Variants in FNBP1L observed in about 807,000 individuals in gnomAD.
FNBP1L encodes the protein formin-binding protein 1-like.
FNBP1L carries 36 observed loss-of-function variants against 91.2 expected under a neutral mutation model. That is an observed-to-expected ratio of 0.39 (90% CI 0.30 to 0.52). The LOEUF (loss-of-function observed/expected upper bound fraction) is 0.52. Among genes scored for constraint, FNBP1L ranks in the 20% least tolerant of loss-of-function variants. FNBP1L has a pLI of 0.66. For missense variants in FNBP1L, 571 were observed against 732.1 expected (o/e 0.78, Z 2.54); for synonymous variants, 242 against 237.0 (o/e 1.02, Z -0.19).
chr1:93,526,068 T>A (rs1671483770), intron 5 of FNBP1L, among the ~76,000 whole-genome samples: 1 of 151,922 alleles, frequency 6.6e-6, no homozygotes, highest in Non-Finnish European at 1.5e-5. Flanking sequence ...TATTAAAAAT[T>A]GAGGAAAAAA....
At chr1:93,473,639 A>T (rs1669385442) in intron 1 of FNBP1L, among the ~76,000 whole-genome samples, 1 of 152,214 alleles carries the variant, frequency 6.6e-6, no homozygotes, top group African/African-American at 2.4e-5. Flanking sequence ...ACTGGATAGG[A>T]TGTCTTAACT....
At chr1:93,517,517 T>A (rs1416112325) in intron 2 of FNBP1L, among the ~76,000 whole-genome samples, 3 of 152,150 alleles carry the variant, frequency 2.0e-5, no homozygotes, top group Admixed American at 2.0e-4. Flanking sequence ...TTTAAAAAAA[T>A]CCCTTCTCTT....
At chr1:93,521,728 G>C (rs532869295) in intron 2 of FNBP1L, among the ~76,000 whole-genome samples, 2 of 151,946 alleles carry the variant, frequency 1.3e-5, no homozygotes, top group Non-Finnish European at 2.9e-5. Context: ...TTTTTGACCC[G>C]TCGTTGAATC....
intron 1 of FNBP1L, among the ~76,000 whole-genome samples, chr1:93,496,026 G>T (rs537078211): frequency 6.6e-6 from 1 of 152,236 alleles, no homozygotes; most frequent in African/African-American, 2.4e-5. Flanking sequence ...GGATCTGCAG[G>T]ATAGGCCCAG....
At chr1:93,525,694 A>G (rs1373707005) in intron 5 of FNBP1L, among the ~76,000 whole-genome samples, 5 of 152,198 alleles carry the variant, frequency 3.3e-5, no homozygotes, top group African/African-American at 1.2e-4. Context: ...CAAAAGTTTT[A>G]GAGGTCATAA....
chr1:93,478,952 T>C (rs949144772), intron 1 of FNBP1L, among the ~76,000 whole-genome samples: 1 of 152,232 alleles, frequency 6.6e-6, no homozygotes, highest in Non-Finnish European at 1.5e-5. Context: ...GAGGTTTGCT[T>C]TCTAAAAGGC....
chr1:93,478,761 T>C (rs1669585180), intron 1 of FNBP1L, among the ~76,000 whole-genome samples: 2 of 152,194 alleles, frequency 1.3e-5, no homozygotes, highest in Admixed American at 1.3e-4. Flanking sequence ...AAATTACAAA[T>C]ATTGAAAGGT....
intron 1 of FNBP1L, among the ~76,000 whole-genome samples, chr1:93,478,658 A>G (rs919622047): frequency 6.6e-6 from 1 of 152,176 alleles, no homozygotes; most frequent in Non-Finnish European, 1.5e-5. Context: ...CATGGTGGCA[A>G]TGAGAGACTG....
chr1:93,513,031 C>T (rs541432237), intron 2 of FNBP1L, among the ~76,000 whole-genome samples: 1 of 151,416 alleles, frequency 6.6e-6, no homozygotes, highest in African/African-American at 2.4e-5. Flanking sequence ...ACTAGCAAGA[C>T]TAATAAAAAA....
At chr1:93,534,622 T>G in intron 8 of FNBP1L, 83 bp from the exon 9 acceptor site, 2 of 845,678 alleles carry the variant, frequency 2.4e-6, no homozygotes, top group Non-Finnish European at 3.6e-6. Context: ...ATTTGTTGTT[T>G]TTTTGTACTG....
Position 93,547,414 on chromosome 1 carries a change from A to G in FNBP1L, c.1475A>G (p.Asn492Ser). 1.9e-6 allele frequency: 3 copies of G among 1,558,536 alleles called. No individual in the cohort carries two copies. Among genetic ancestry groups the G allele is most frequent in the Non-Finnish European group, 2.6e-6 (3 of 1,150,418 alleles). ...RGDRRHSSDI[N>S]HLVTQGRESP... ...GACAGAAGACATAGCAGTGACATAA[A>G]TCATCTTGTAACACAGGGACGAGAA... The change falls in exon 14 of 17, where the codon AAT (asparagine) becomes AGT (serine). Residue 492 changes from asparagine (N) to serine (S), a missense_variant. Transcript: ENST00000271234.
chr1:93,452,523 G>A (rs1413699742), intron 1 of FNBP1L, among the ~76,000 whole-genome samples: 1 of 152,150 alleles, frequency 6.6e-6, no homozygotes, highest in Non-Finnish European at 1.5e-5. Context: ...TGAAATCTTA[G>A]GCCACATTAA....
rs980239867 is a variant in FNBP1L, at chr1:93,536,477, G to A, written c.1136G>A (p.Ser379Asn). 2.6e-6 allele frequency: 4 copies of A among 1,548,814 alleles called. No homozygotes were observed. Among genetic ancestry groups the A allele is most frequent in the Non-Finnish European group, 3.5e-6 (4 of 1,145,622 alleles). Reference protein sequence around the residue: ...TGKPRIPSFRSLKRGWSVKMG... With the variant: ...TGKPRIPSFRNLKRGWSVKMG... ...AAGCCCAGAATTCCTTCTTTCAGAA[G>A]CCTCAAAAGAGGGGTAAGTTTAATA... Residue 379 changes from serine to asparagine, a missense_variant, in exon 10 of 17, where the codon AGC becomes AAC. By Grantham distance (46) the Ser-to-Asn change is conservative (BLOSUM62 1). This residue lies in a region of FNBP1L where 150 missense variants were observed against 155.9 expected (regional missense o/e 0.96). Coordinates refer to ENST00000271234, the MANE Select transcript of FNBP1L (RefSeq NM_001164473.3).
intron 9 of FNBP1L, 130 bp downstream of exon 9, chr1:93,535,038 C>A: frequency 1.3e-6 from 1 of 746,240 alleles, no homozygotes; most frequent in Non-Finnish European, 2.2e-6. Context: ...TTCAGTTAAC[C>A]TTTCACTTAT....
intron 2 of FNBP1L, among the ~76,000 whole-genome samples, chr1:93,519,343 C>T (rs2101747718): frequency 6.6e-6 from 1 of 152,284 alleles, no homozygotes; most frequent in South Asian, 2.1e-4. Context: ...ACTTCTTTGT[C>T]TTTGCTCATT....
chr1:93,519,858 G>A (rs146338963), intron 2 of FNBP1L, among the ~76,000 whole-genome samples: 13 of 152,306 alleles, frequency 8.5e-5, no homozygotes, highest in South Asian at 2.1e-4. Context: ...TTGGTAGGCT[G>A]AGGCAGGAGG....
chr1:93,511,731 C>A lies in FNBP1L; in HGVS notation c.141-10351C>A, dbSNP rs543283548. 3.5e-3 allele frequency among the ~76,000 whole-genome samples: 535 copies of A among 152,192 alleles called. 14 individuals carry two copies. The highest frequency in any genetic ancestry group is 6.0e-4 in the Non-Finnish European group (41 of 68,006). On this transcript the variant is annotated intron_variant, in intron 2 of 16. Coordinates refer to ENST00000271234, the MANE Select transcript of FNBP1L (RefSeq NM_001164473.3). ...CCTGTAATCCCAGCACTTTGGGAGG[C>A]CGAGGCGGGCGGATCACGAGGTCAG...
At chr1:93,534,982 A>G (rs1671798067) in intron 9 of FNBP1L, 74 bp downstream of exon 9, 1 of 1,186,622 alleles carries the variant, frequency 8.4e-7, no homozygotes, top group Non-Finnish European at 1.2e-6. Context: ...ATTGAATGCA[A>G]AATGATTTAC....
chr1:93,468,462 G>A (rs1242865103), intron 1 of FNBP1L, among the ~76,000 whole-genome samples: 2 of 152,168 alleles, frequency 1.3e-5, no homozygotes, highest in Non-Finnish European at 1.5e-5. Context: ...ACAGGGTCTC[G>A]CTCTGTCATC....
Sources: allele counts gnomAD v4.1 joint callset (sites outside exome capture counted in the v4.1 genomes callset), GRCh38; gene constraint gnomAD v4.1.1; regional missense constraint gnomAD v4.1.1; transcripts MANE v1.5; gene names NCBI Gene and HGNC (gene_info 2026-07-23, HGNC 2026-07-21).